Variants in KLB observed in about 807,000 individuals in gnomAD.
The protein encoded by KLB is beta-klotho.
Under a neutral mutation model 88.4 loss-of-function variants are expected in KLB, and 44 were observed. The observed-to-expected ratio is 0.50, with a 90% confidence interval of 0.39 to 0.64. The LOEUF (loss-of-function observed/expected upper bound fraction) is 0.64. KLB is among the 30% of genes least tolerant of loss of function. The pLI, the probability that KLB is intolerant of heterozygous loss-of-function variation, is 0.00. For missense variants in KLB, 1,137 were observed against 1,304.8 expected (o/e 0.87, Z 1.98); for synonymous variants, 548 against 513.4 (o/e 1.07, Z -0.91).
At chr4:39,422,743 G>C (rs116559354) in intron 1 of KLB, among the ~76,000 whole-genome samples, 1,654 of 151,230 alleles carry the variant, frequency 0.011, 24 homozygotes, top group Non-Finnish European at 0.013. Flanking sequence ...TGCAGACAAG[G>C]ATCTCTGTCC....
At chr4:39,421,365 G>A (rs528085310) in intron 1 of KLB, among the ~76,000 whole-genome samples, 5 of 152,312 alleles carry the variant, frequency 3.3e-5, no homozygotes, top group South Asian at 4.1e-4. Context: ...TAATGAACAG[G>A]ATGAAACGTA....
At chr4:39,430,920 T>TG (rs1743344793) in intron 1 of KLB, among the ~76,000 whole-genome samples, 1 of 149,168 alleles carries the variant, frequency 6.7e-6, no homozygotes, top group Non-Finnish European at 1.5e-5. Flanking sequence ...GGAAAGTTTT[T>TG]TTTTTTTTTC....
In KLB at chr4:39,445,138, C is replaced by A. The variant is rs1312317288; in HGVS notation, c.1606-1194C>A. ...CCACTAGGGAAAATGAAACCCAAGT[C>A]ATGACTACATTGTGTTTGTATAGCG... On this transcript the variant is annotated intron_variant, in intron 3 of 4. Transcript: ENST00000257408. Among the ~76,000 whole-genome samples the A allele has an allele frequency of 2.0e-5, 3 of 152,216 alleles. No homozygotes were observed. The East Asian group carries it at 5.8e-4, about 29-fold the overall frequency.
chr4:39,430,866 T>TC (rs1743342466), intron 1 of KLB, among the ~76,000 whole-genome samples: 2 of 151,108 alleles, frequency 1.3e-5, no homozygotes, highest in Non-Finnish European at 1.5e-5. Flanking sequence ...CACCTCAGCC[T>TC]CCCAAAGAGC....
At chr4:39,448,194 CCTTT>C (rs1743804397) in intron 4 of KLB, 103 bp from the exon 5 acceptor site, 1 of 768,288 alleles carries the variant, frequency 1.3e-6, no homozygotes, top group Non-Finnish European at 2.0e-6. Context: ...AAAATCACTA[CCTTT>C]ATTATGGGCA....
At chr4:39,430,080 T>A (rs1350701291) in intron 1 of KLB, among the ~76,000 whole-genome samples, 3 of 152,270 alleles carry the variant, frequency 2.0e-5, no homozygotes, top group Non-Finnish European at 4.4e-5. Context: ...TGAGCTCTAC[T>A]GTTTCTCATT....
At chr4:39,431,764 CT>C (rs1743367694) in intron 1 of KLB, among the ~76,000 whole-genome samples, 1 of 152,220 alleles carries the variant, frequency 6.6e-6, no homozygotes, top group South Asian at 2.1e-4. Context: ...TCAATGCCTA[CT>C]TTCCCCATCT....
In KLB at chr4:39,437,869, G is replaced by A; in HGVS notation, c.1479G>A (p.Lys493=). 6.2e-7 allele frequency: 1 copy of A among 1,614,176 alleles called. No individual in the cohort carries two copies. ...FNSKQKERKP[K]SSAHYYKQII... ...GTAAACAGAAAGAGCGGAAACCTAA[G>A]TCTTCAGCACACTACTACAAACAGA... Residue 493 remains lysine, a synonymous_variant, in exon 3 of 5, where the codon AAG becomes AAA. Transcript: ENST00000257408.
At chr4:39,418,292 G>A (rs1424169773) in intron 1 of KLB, among the ~76,000 whole-genome samples, 1 of 152,032 alleles carries the variant, frequency 6.6e-6, no homozygotes, top group African/African-American at 2.4e-5. Context: ...GGCTGGAGTA[G>A]TGCAGTGGTG....
rs541086726 is a variant in KLB at position 39,447,276 on chromosome 4, G to C, written c.2550G>C (p.Leu850=). The change falls in exon 4 of 5, where the codon CTG becomes CTC. Residue 850 remains leucine, a synonymous_variant. Transcript: ENST00000257408. ...ACTCGGACAGGGACATCCAGTTTCT[G>C]CAGGACATCACCCGCCTGAGCTCCC... ...RYDSDRDIQF[L]QDITRLSSPT... is the part of the protein sequence containing the mutation. 6.6e-5 allele frequency: 106 copies of C among 1,614,140 alleles called. 1 individual carries two copies. In the Middle Eastern group the frequency reaches 6.6e-4, roughly 10 times the overall value.
Position 39,446,807 on chromosome 4 carries a change from C to T in KLB, c.2081C>T (p.Pro694Leu). 1 of 1,612,888 alleles carries T rather than the reference C, an allele frequency of 6.2e-7. No homozygotes were observed. The highest frequency in any genetic ancestry group is 8.5e-7 in the Non-Finnish European group (1 of 1,179,792). Residue 694 changes from proline (P) to leucine (L), a missense_variant, in exon 4 of 5, where the codon CCT becomes CTT. Around this residue, in one of 4 missense-constraint regions of KLB, gnomAD observed 597 missense variants for 765.2 expected, o/e 0.78. Transcript: ENST00000257408. The surrounding 1 kb of genome is among the most constrained non-coding windows in gnomAD (Gnocchi z 6.4). Reference protein sequence around the residue: ...LVKLWITINEPNRLSDIYNRS... With the variant: ...LVKLWITINELNRLSDIYNRS... ...AAGCTCTGGATCACCATCAACGAGC[C>T]TAACCGGCTAAGTGACATCTACAAC...
intron 3 of KLB, among the ~76,000 whole-genome samples, chr4:39,443,084 C>A (rs1387900668): frequency 6.6e-6 from 1 of 152,110 alleles, no homozygotes; most frequent in Admixed American, 6.6e-5. Context: ...TCTTCTGAGT[C>A]TAATGACTCA....
In KLB at chr4:39,440,082, G is replaced by A. The variant is rs559989526; in HGVS notation, c.1605+2087G>A. The stretch of plus-strand genomic sequence containing the variant: ...GCCTCCCAAAGTGCTGGGATTACAG[G>A]TGTGAGCCACCATGCCCGCTTTTTG... On this transcript the variant is annotated intron_variant, in intron 3 of 4. Coordinates refer to ENST00000257408, the MANE Select transcript of KLB (RefSeq NM_175737.4). 6.6e-5 allele frequency among the ~76,000 whole-genome samples: 10 copies of A among 152,226 alleles called. No individual in the cohort carries two copies. The South Asian group carries it at 2.1e-3, about 32-fold the overall frequency.
Position 39,448,306 on chromosome 4 carries a change from C to G in KLB, c.2755C>G (p.Leu919Val). ...TAATTTCTTATCTTTTTCAGCATAC[C>G]TGATTGATAAAGTCAGAATCAAAGG... ...KYLQEVLKAY[L>V]IDKVRIKGYY... The change falls in exon 5 of 5, where the codon CTG becomes GTG. Residue 919 changes from leucine (L) to valine (V), a missense_variant. Around this residue, in one of 4 missense-constraint regions of KLB, gnomAD observed 426 missense variants for 404.6 expected, o/e 1.05. Transcript: ENST00000257408. The G allele has an allele frequency of 6.3e-7, 1 of 1,581,144 alleles. No individual in the cohort carries two copies. The highest frequency in any genetic ancestry group is 8.6e-7 in the Non-Finnish European group (1 of 1,161,636).
intron 1 of KLB, among the ~76,000 whole-genome samples, chr4:39,418,944 TAAA>T (rs35661811): frequency 9.4e-5 from 11 of 116,886 alleles, no homozygotes; most frequent in African/African-American, 1.0e-4. Flanking sequence ...ATGCCATCTC[TAAA>T]AAAAAAAAAA....
At chr4:39,445,470 G>A (rs1743716204) in intron 3 of KLB, among the ~76,000 whole-genome samples, 1 of 151,566 alleles carries the variant, frequency 6.6e-6, no homozygotes, top group Non-Finnish European at 1.5e-5. Flanking sequence ...AGACATGATG[G>A]ATGCAAATGT....
intron 1 of KLB, among the ~76,000 whole-genome samples, chr4:39,411,005 T>G (rs1437014868): frequency 2.0e-5 from 3 of 152,206 alleles, no homozygotes. Context: ...GTAAAAATTT[T>G]CCATAATCAC....
chr4:39,448,298 CA>C lies in KLB; in HGVS notation c.2750-2del. 6.4e-7 allele frequency: 1 copy of C among 1,566,828 alleles called. No individual in the cohort carries two copies. Among genetic ancestry groups the C allele is most frequent in the African/African-American group, 1.4e-5 (1 of 73,394 alleles). The stretch of plus-strand genomic sequence containing the variant: ...ATTAATGTTAATTTCTTATCTTTTT[CA>C]GCATACCTGATTGATAAAGTCAGAA... On this transcript the variant is annotated splice_acceptor_variant, in intron 4 of 4. Coordinates refer to ENST00000257408, the MANE Select transcript of KLB (RefSeq NM_175737.4). LOFTEE classifies it high-confidence loss of function.
At chr4:39,418,985 A>G (rs1743021168) in intron 1 of KLB, among the ~76,000 whole-genome samples, 1 of 151,846 alleles carries the variant, frequency 6.6e-6, no homozygotes, top group East Asian at 1.9e-4. Context: ...CTGACCAAAT[A>G]CATTAAAACT....
Sources: allele counts gnomAD v4.1 joint callset (sites outside exome capture counted in the v4.1 genomes callset), GRCh38; gene constraint gnomAD v4.1.1; regional missense constraint gnomAD v4.1.1; non-coding constraint Gnocchi (gnomAD v3.1); transcripts MANE v1.5; gene names NCBI Gene and HGNC (gene_info 2026-07-23, HGNC 2026-07-21).